The following ERBB4 variants were observed in gnomAD, a reference collection of about 807,000 sequenced individuals.
The protein encoded by ERBB4 is receptor tyrosine-protein kinase erbB-4.
In ERBB4, 42 loss-of-function variants were observed where a neutral mutation model predicts 158.0. The ratio of observed to expected loss-of-function variants is 0.27; its 90% CI spans 0.21 to 0.34. The LOEUF (loss-of-function observed/expected upper bound fraction) is 0.34, where lower values mean the gene tolerates loss of function less well. ERBB4 is among the 10% of genes least tolerant of loss of function. ERBB4 has a pLI of 1.00. For missense variants in ERBB4, 1,333 were observed against 1,624.1 expected (o/e 0.82, Z 3.08); for synonymous variants, 583 against 558.7 (o/e 1.04, Z -0.61).
At chr2:212,302,031 A>C (rs2086642600) in intron 1 of ERBB4, among the ~76,000 whole-genome samples, 1 of 151,220 alleles carries the variant, frequency 6.6e-6, no homozygotes, top group Admixed American at 6.6e-5. Flanking sequence ...CTTTTGATAC[A>C]CTCTCATTAT....
chr2:211,956,640 AT>A (rs1049741611), intron 2 of ERBB4, among the ~76,000 whole-genome samples: 4 of 152,150 alleles, frequency 2.6e-5, no homozygotes, highest in African/African-American at 9.6e-5. Flanking sequence ...TCATATTATA[AT>A]TAGTGCAATT....
At position 212,327,853 on chromosome 2, in the gene ERBB4, C is replaced by T. The variant is rs551223006; in HGVS notation, c.83-202950G>A. 1.4e-3 allele frequency among the ~76,000 whole-genome samples: 54 copies of T among 37,456 alleles called. 1 individual carries two copies. In the South Asian group the frequency reaches 0.048, roughly 34 times the overall value. The allele number at this position is 37,456 out of a possible 152,430, so 24.6% of individuals were successfully genotyped here. A position where few individuals can be genotyped will look rare whatever the true frequency, so the allele number is the denominator to read the frequency against. On this transcript the variant is annotated intron_variant, in intron 1 of 27. Transcript: ENST00000342788. ...GCATAGATTTTATATGTAAAGTATTCCTCCAAAAAGTTATTTTTTAATTTT... is the reference window on the plus strand; with the variant it reads ...GCATAGATTTTATATGTAAAGTATTTCTCCAAAAAGTTATTTTTTAATTTT...
At chr2:212,264,698 CTCA>C (rs1256351196) in intron 1 of ERBB4, among the ~76,000 whole-genome samples, 5 of 151,980 alleles carry the variant, frequency 3.3e-5, no homozygotes, top group Non-Finnish European at 7.4e-5. Context: ...TTAAGTTTCT[CTCA>C]TATTTTATTT....
intron 1 of ERBB4, among the ~76,000 whole-genome samples, chr2:212,370,275 GAA>G (rs2090041117): frequency 6.6e-6 from 1 of 152,228 alleles, no homozygotes; most frequent in African/African-American, 2.4e-5. Flanking sequence ...TGCCATGATT[GAA>G]AGTTTCCTGA....
chr2:211,835,282 G>T (rs993039666), intron 3 of ERBB4, among the ~76,000 whole-genome samples: 8 of 148,502 alleles, frequency 5.4e-5, no homozygotes, highest in African/African-American at 2.0e-4. Flanking sequence ...TAATCCAGAT[G>T]AATATTTAGA....
At chr2:212,225,612 T>C (rs972245467) in intron 1 of ERBB4, among the ~76,000 whole-genome samples, 1 of 151,656 alleles carries the variant, frequency 6.6e-6, no homozygotes. Flanking sequence ...ATTTAATGTG[T>C]AGATATATAA....
intron 19 of ERBB4, among the ~76,000 whole-genome samples, chr2:211,584,041 C>T (rs140504059): frequency 1.4e-5 from 2 of 147,602 alleles, no homozygotes; most frequent in East Asian, 3.9e-4. Context: ...GCTTTCATTT[C>T]CCCATTAATT....
At chr2:211,499,402 C>T (rs1559230107) in intron 20 of ERBB4, among the ~76,000 whole-genome samples, 1 of 151,716 alleles carries the variant, frequency 6.6e-6, no homozygotes, top group Non-Finnish European at 1.5e-5. Context: ...GTGTGCCTGT[C>T]GTTCCAGCTA....
chr2:211,973,488 A>G (rs981052748), intron 2 of ERBB4, among the ~76,000 whole-genome samples: 1 of 152,210 alleles, frequency 6.6e-6, no homozygotes, highest in Non-Finnish European at 1.5e-5. Context: ...GGCATGAGCC[A>G]CCGTGCCCAG....
At chr2:211,424,418 A>T (rs2063581177) in intron 22 of ERBB4, 117 bp from the exon 23 acceptor site, 2 of 200,126 alleles carry the variant, frequency 1.0e-5, no homozygotes, top group Non-Finnish European at 1.8e-5. Context: ...CCAATCAATT[A>T]AAAAAAAAAA....
intron 1 of ERBB4, among the ~76,000 whole-genome samples, chr2:212,133,396 G>GTTTT (rs575131971): frequency 1.5e-5 from 2 of 137,136 alleles, no homozygotes; most frequent in African/African-American, 5.9e-5. Context: ...TCATTTTGGT[G>GTTTT]TTTTTTTTTT....
intron 1 of ERBB4, among the ~76,000 whole-genome samples, chr2:212,509,824 T>C (rs1445478562): frequency 6.6e-6 from 1 of 151,976 alleles, no homozygotes; most frequent in African/African-American, 2.4e-5. Flanking sequence ...AGTCAGTTAG[T>C]TTCTATGTAT....
At chr2:212,358,131 A>C (rs572064696) in intron 1 of ERBB4, among the ~76,000 whole-genome samples, 1 of 152,002 alleles carries the variant, frequency 6.6e-6, no homozygotes, top group South Asian at 2.1e-4. Flanking sequence ...AAAAGAACGG[A>C]TACCAATTTT....
At chr2:211,895,886 G>A (rs568669021) in intron 3 of ERBB4, among the ~76,000 whole-genome samples, 3 of 152,064 alleles carry the variant, frequency 2.0e-5, no homozygotes, top group East Asian at 3.9e-4. Context: ...TTCCAGTGTC[G>A]TCATCTCTGA....
chr2:212,012,464 T>C (rs1388473130), intron 2 of ERBB4, among the ~76,000 whole-genome samples: 7 of 150,370 alleles, frequency 4.7e-5, no homozygotes, highest in Admixed American at 4.6e-4. Flanking sequence ...TCACCCAGGC[T>C]GGAGTGCGGT....
intron 3 of ERBB4, among the ~76,000 whole-genome samples, chr2:211,807,592 C>T (rs1013614425): frequency 7.9e-5 from 12 of 152,060 alleles, no homozygotes; most frequent in African/African-American, 2.9e-4. Context: ...TGAATAGTGC[C>T]ACAATAAACA....
intron 5 of ERBB4, among the ~76,000 whole-genome samples, chr2:211,743,152 C>G (rs1041115374): frequency 2.6e-5 from 4 of 152,070 alleles, no homozygotes; most frequent in African/African-American, 9.7e-5. Context: ...AACCTATTGT[C>G]AAACTCACAT....
At position 211,376,039 on chromosome 2, in the gene ERBB4, T is replaced by C. The variant is rs559594847; in HGVS notation, c.*7576A>G. 4.3e-6 allele frequency: 1 copy of C among 232,918 alleles called. No homozygotes were observed. The highest frequency in any genetic ancestry group is 8.5e-6 in the Non-Finnish European group (1 of 117,642). 14.4% of individuals were successfully genotyped at this position (232,918 alleles called of 1,614,324 possible). On this transcript the variant is annotated 3_prime_UTR_variant, in exon 28 of 28. Coordinates refer to ENST00000342788, the MANE Select transcript of ERBB4 (RefSeq NM_005235.3). ...TAAAAGGTTGGAGGAGAAGAAAGAA[T>C]AAGAGAAAGTATACTAAAAATATGC...
At chr2:212,426,275 G>A (rs2091909718) in intron 1 of ERBB4, 2 of 478,630 alleles carry the variant, frequency 4.2e-6, no homozygotes, top group South Asian at 3.2e-5. Flanking sequence ...TAAAATATTA[G>A]GTTGGTGCAA....
Sources: allele counts gnomAD v4.1 joint callset (sites outside exome capture counted in the v4.1 genomes callset), GRCh38; gene constraint gnomAD v4.1.1; transcripts MANE v1.5; gene names NCBI Gene and HGNC (gene_info 2026-07-23, HGNC 2026-07-21).